The following UPRT variants were observed in gnomAD, a reference collection of about 807,000 sequenced individuals.
The protein encoded by UPRT is RP11-311P8.3.
In UPRT, 5 loss-of-function variants were observed where a neutral mutation model predicts 22.6. That is an observed-to-expected ratio of 0.22 (90% CI 0.12 to 0.47). The LOEUF is 0.47. Among genes scored for constraint, UPRT ranks in the 20% least tolerant of loss-of-function variants. The pLI is 0.99. For synonymous variants in UPRT, 77 were observed against 87.7 expected, an observed-to-expected ratio of 0.88 and a Z score of 0.68; for missense variants, 181 against 239.9, an observed-to-expected ratio of 0.75 and a Z score of 1.62.
At chrX:75,274,759 G>A in intron 1 of UPRT, 119 bp downstream of exon 1, 1 of 804,926 alleles carries the variant, frequency 1.2e-6, no homozygotes, top group Non-Finnish European at 1.7e-6. Flanking sequence ...GGAGATTGGG[G>A]TAAGACCTTT....
intron 4 of UPRT, among the ~76,000 whole-genome samples, chrX:75,170,973 C>T (rs1187175180): frequency 9.0e-6 from 1 of 111,415 alleles, no homozygotes; most frequent in Non-Finnish European, 1.9e-5. Context: ...TTTATAGGTT[C>T]CCTGGTGTTT....
At chrX:75,258,184 G>A (rs1215984369) in intron 4 of UPRT, among the ~76,000 whole-genome samples, 2 of 98,822 alleles carry the variant, frequency 2.0e-5, no homozygotes, top group Non-Finnish European at 4.0e-5. Flanking sequence ...CACCAAGCTA[G>A]CTGCAGGTGT....
chrX:75,206,880 G>A (rs369705065), intron 4 of UPRT, among the ~76,000 whole-genome samples: 3 of 111,803 alleles, frequency 2.7e-5, no homozygotes, highest in African/African-American at 9.8e-5. Context: ...TAGCTAGGAT[G>A]GTCTCGATCT....
At chrX:75,235,361 A>G (rs1315411043) in intron 4 of UPRT, among the ~76,000 whole-genome samples, 4 of 111,846 alleles carry the variant, frequency 3.6e-5, no homozygotes, top group African/African-American at 1.3e-4. Flanking sequence ...CAGAGGTAGA[A>G]GGAGGAACTG....
At chrX:75,272,888 C>T (rs984103104), upstream of UPRT, among the ~76,000 whole-genome samples, 3 of 111,625 alleles carry the variant, frequency 2.7e-5, no homozygotes, top group African/African-American at 9.8e-5. Flanking sequence ...ATGTTAACTC[C>T]AGCACTATTT....
intron 4 of UPRT, among the ~76,000 whole-genome samples, chrX:75,193,643 C>T (rs2082323546): frequency 9.0e-6 from 1 of 111,398 alleles, no homozygotes; most frequent in Admixed American, 9.6e-5. Flanking sequence ...AGGTTTTGTT[C>T]ATTCTTTGTT....
At chrX:75,302,383 G>A (rs1378367976) in intron 6 of UPRT, among the ~76,000 whole-genome samples, 1 of 111,269 alleles carries the variant, frequency 9.0e-6, no homozygotes, top group Non-Finnish European at 1.9e-5. Flanking sequence ...TGAGAATGGT[G>A]TACTATTCTT....
chrX:75,270,577 A>G (rs1208641991), upstream of UPRT, among the ~76,000 whole-genome samples: 1 of 112,043 alleles, frequency 8.9e-6, no homozygotes, highest in Non-Finnish European at 1.9e-5. Flanking sequence ...ATGCAGCTAT[A>G]AAAACAGGAT....
At chrX:75,228,909 G>GA (rs1246853861) in intron 4 of UPRT, among the ~76,000 whole-genome samples, 1 of 111,847 alleles carries the variant, frequency 8.9e-6, no homozygotes. Context: ...GCCAGACACA[G>GA]AAAAAAGATA....
intron 4 of UPRT, among the ~76,000 whole-genome samples, chrX:75,264,368 G>C (rs190462748): frequency 9.0e-6 from 1 of 111,499 alleles, no homozygotes; most frequent in African/African-American, 3.3e-5. Flanking sequence ...AAGTCTCTTT[G>C]TAGGTCTCTA....
At chrX:75,163,944 T>C (rs2082206785) in intron 3 of UPRT, among the ~76,000 whole-genome samples, 2 of 111,068 alleles carry the variant, frequency 1.8e-5, no homozygotes, top group African/African-American at 6.5e-5. Context: ...TTGGGAGGTC[T>C]AGGCCAGTGG....
chrX:75,253,543 T>G (rs1382517517), intron 4 of UPRT, among the ~76,000 whole-genome samples: 1 of 111,592 alleles, frequency 9.0e-6, no homozygotes, highest in Non-Finnish European at 1.9e-5. Context: ...CGAAGTCTCT[T>G]TAGAGGATCA....
chrX:75,277,722 T>C (rs1196780286), intron 1 of UPRT, among the ~76,000 whole-genome samples: 1 of 111,956 alleles, frequency 8.9e-6, no homozygotes, highest in Non-Finnish European at 1.9e-5. Context: ...CTATGTGGAA[T>C]TCACTTTTTT....
At chrX:75,233,550 C>A (rs1367829232) in intron 4 of UPRT, among the ~76,000 whole-genome samples, 1 of 110,197 alleles carries the variant, frequency 9.1e-6, no homozygotes, top group Non-Finnish European at 1.9e-5. Flanking sequence ...GGTCGGGTTA[C>A]CCTCAAAGGG....
chrX:75,159,040 G>A (rs1395757369), intron 1 of UPRT, among the ~76,000 whole-genome samples: 1 of 111,598 alleles, frequency 9.0e-6, no homozygotes, highest in Non-Finnish European at 1.9e-5. Context: ...CTGCCCTACT[G>A]TACTATAGAA....
At chrX:75,183,113 G>A (rs1209862064) in intron 4 of UPRT, among the ~76,000 whole-genome samples, 2 of 110,394 alleles carry the variant, frequency 1.8e-5, no homozygotes, top group African/African-American at 6.6e-5. Context: ...ATGTTGGCAT[G>A]CTACACCCAT....
At chrX:75,221,101 C>A (rs1052304118) in intron 4 of UPRT, among the ~76,000 whole-genome samples, 2 of 111,586 alleles carry the variant, frequency 1.8e-5, no homozygotes, top group Non-Finnish European at 3.8e-5. Flanking sequence ...CTAGTGTAAA[C>A]ATGTTTCTTC....
chrX:75,245,174 A>C (rs1457815429), intron 4 of UPRT, among the ~76,000 whole-genome samples: 1 of 110,943 alleles, frequency 9.0e-6, no homozygotes, highest in Non-Finnish European at 1.9e-5. Context: ...GCATATAAAA[A>C]ATTCTCAACA....
At chrX:75,236,025 A>G (rs929545311) in intron 4 of UPRT, among the ~76,000 whole-genome samples, 1 of 111,336 alleles carries the variant, frequency 9.0e-6, no homozygotes, top group Non-Finnish European at 1.9e-5. Flanking sequence ...TTTGCAGAAG[A>G]CATGATTGTA....
Sources: allele counts gnomAD v4.1 joint callset (sites outside exome capture counted in the v4.1 genomes callset), GRCh38; gene constraint gnomAD v4.1.1; transcripts MANE v1.5; gene names NCBI Gene and HGNC (gene_info 2026-07-23, HGNC 2026-07-21).